AGAP1: variants seen among roughly 807,000 people sequenced by gnomAD.
AGAP1 encodes arf-GAP with GTPase, ANK repeat and PH domain-containing protein 1.
Under a neutral mutation model 105.3 loss-of-function variants are expected in AGAP1, and 29 were observed. The ratio of observed to expected loss-of-function variants is 0.28; its 90% CI spans 0.21 to 0.38. The LOEUF (loss-of-function observed/expected upper bound fraction) is 0.38. Among genes scored for constraint, AGAP1 ranks in the 10% least tolerant of loss-of-function variants. The pLI, the probability that AGAP1 is intolerant of heterozygous loss-of-function variation, is 1.00. For missense variants in AGAP1, 998 were observed against 1,165.1 expected (o/e 0.86, Z 2.09); for synonymous variants, 509 against 485.9 (o/e 1.05, Z -0.63).
chr2:235,926,492 G>T (rs1434813815), intron 11 of AGAP1, among the ~76,000 whole-genome samples: 1 of 152,202 alleles, frequency 6.6e-6, no homozygotes, highest in African/African-American at 2.4e-5. Flanking sequence ...ATGCATTTAC[G>T]TTGAAAGGCA....
At chr2:235,597,415 C>T (rs1680959068) in intron 1 of AGAP1, among the ~76,000 whole-genome samples, 1 of 152,216 alleles carries the variant, frequency 6.6e-6, no homozygotes, top group Admixed American at 6.5e-5. Flanking sequence ...CACACCTTGG[C>T]CACCCAGCAA....
At chr2:235,916,666 A>G (rs922110953) in intron 11 of AGAP1, among the ~76,000 whole-genome samples, 20 of 152,234 alleles carry the variant, frequency 1.3e-4, no homozygotes, top group African/African-American at 3.9e-4. Context: ...CCTCTGTTCT[A>G]TGGAGAAGAA....
chr2:236,006,792 C>A (rs1429950920), intron 13 of AGAP1, among the ~76,000 whole-genome samples: 2 of 152,102 alleles, frequency 1.3e-5, no homozygotes, highest in Admixed American at 1.3e-4. Flanking sequence ...GGTAGATAAG[C>A]CATGGCTTAT....
chr2:236,097,380 C>CTTTTTTTTTTTTT lies in AGAP1; in HGVS notation c.2115-22793_2115-22781dup, dbSNP rs58882083. ...ATAATATAAAATTTGTCATCCTAAT[C>CTTTTTTTTTTTTT]TTTTTTTTTTTTTTTTTTTTTTTTT... On this transcript the variant is annotated intron_variant, in intron 16 of 17. Transcript: ENST00000304032. 1.4e-4 allele frequency among the ~76,000 whole-genome samples: 7 copies of CTTTTTTTTTTTTT among 48,670 alleles called. 1 individual carries two copies. Among genetic ancestry groups the CTTTTTTTTTTTTT allele is most frequent in the African/African-American group, 3.1e-4 (4 of 13,026 alleles). 31.9% of individuals were successfully genotyped at this position (48,670 alleles called of 152,430 possible).
Position 235,959,658 on chromosome 2 carries a change from C to T in AGAP1, c.1484-8804C>T, listed in dbSNP as rs1295012204. ...TCCTGCCACGGCCCCCCTCAATTCA[C>T]ATCCTAATTCACCCCGCCATCACCT... On this transcript the variant is annotated intron_variant, in intron 12 of 17. Transcript: ENST00000304032. This position sits in a 1 kb window ranked among gnomAD's most constrained non-coding sequence, Gnocchi z 7.3. Among the ~76,000 whole-genome samples the T allele has an allele frequency of 2.6e-5, 4 of 152,110 alleles. No individual in the cohort carries two copies. Among genetic ancestry groups the T allele is most frequent in the African/African-American group, 9.7e-5 (4 of 41,422 alleles).
rs541922847 is a variant in AGAP1 at position 235,835,393 on chromosome 2, A to G, written c.1050+28062A>G. ...TGTATCTTGTGCTGCCACACCTGGCAGAGAGGCTCCTCAGCTTGGAGCGTT... is the reference window on the plus strand; with the variant it reads ...TGTATCTTGTGCTGCCACACCTGGCGGAGAGGCTCCTCAGCTTGGAGCGTT... On this transcript the variant is annotated intron_variant, in intron 9 of 17. Coordinates refer to ENST00000304032, the MANE Select transcript of AGAP1 (RefSeq NM_001037131.3). 1.2e-3 allele frequency among the ~76,000 whole-genome samples: 190 copies of G among 152,338 alleles called. 3 individuals are homozygous for G. The South Asian group carries it at 0.038, about 30-fold the overall frequency.
intron 6 of AGAP1, among the ~76,000 whole-genome samples, chr2:235,755,181 C>T (rs192282564): frequency 2.0e-5 from 3 of 152,332 alleles, no homozygotes; most frequent in Admixed American, 2.0e-4. Context: ...GCTCTCGTTC[C>T]TAGATTGCTT....
At chr2:235,835,722 A>G (rs1960078849) in intron 9 of AGAP1, among the ~76,000 whole-genome samples, 1 of 152,226 alleles carries the variant, frequency 6.6e-6, no homozygotes, top group South Asian at 2.1e-4. Flanking sequence ...TCGTGTCTCC[A>G]TTGCAAAAAG....
intron 1 of AGAP1, among the ~76,000 whole-genome samples, chr2:235,505,396 G>A (rs544721044): frequency 7.9e-5 from 12 of 152,200 alleles, no homozygotes; most frequent in Non-Finnish European, 1.5e-4. Context: ...CAGTGTGTGC[G>A]TGTGTGGATT....
At chr2:235,510,273 C>T (rs940977926) in intron 1 of AGAP1, among the ~76,000 whole-genome samples, 2 of 152,222 alleles carry the variant, frequency 1.3e-5, no homozygotes, top group Admixed American at 1.3e-4. Flanking sequence ...GTCCCTGATG[C>T]CAAGAAGGTT....
At chr2:235,509,573 G>C (rs1017416508) in intron 1 of AGAP1, among the ~76,000 whole-genome samples, 1 of 152,068 alleles carries the variant, frequency 6.6e-6, no homozygotes, top group East Asian at 1.9e-4. Flanking sequence ...ACTCTTGAAA[G>C]TTTACCATTT....
chr2:236,103,761 G>A (rs2059417098), intron 16 of AGAP1, among the ~76,000 whole-genome samples: 1 of 152,040 alleles, frequency 6.6e-6, no homozygotes, highest in Admixed American at 6.5e-5. Context: ...TAGAGTTGGG[G>A]TTTCACCATG....
intron 6 of AGAP1, among the ~76,000 whole-genome samples, chr2:235,780,907 AAAATT>A (rs1190659999): frequency 6.6e-6 from 1 of 152,212 alleles, no homozygotes; most frequent in African/African-American, 2.4e-5. Context: ...TGTGGGAAAA[AAAATT>A]AAATACTGTG....
rs2125172126 is a variant in AGAP1, at chr2:235,934,311, G to A, written c.1483+3388G>A. Among the ~76,000 whole-genome samples the A allele has an allele frequency of 6.6e-6, 1 of 152,332 alleles. No homozygotes were observed. Among genetic ancestry groups the A allele is most frequent in the South Asian group, 2.1e-4 (1 of 4,824 alleles). Reference sequence around the variant, plus strand: ...CAAAGCCTGGTCCACGGACCAAGTGGCATTTGACAGCTCCGGGGATTTGGC... The same window carrying A: ...CAAAGCCTGGTCCACGGACCAAGTGACATTTGACAGCTCCGGGGATTTGGC... On this transcript the variant is annotated intron_variant, in intron 12 of 17. Coordinates refer to ENST00000304032, the MANE Select transcript of AGAP1 (RefSeq NM_001037131.3). The surrounding 1 kb of genome is among the most constrained non-coding windows in gnomAD (Gnocchi z 4.9).
intron 6 of AGAP1, among the ~76,000 whole-genome samples, chr2:235,797,160 G>A (rs1957279909): frequency 6.6e-6 from 1 of 152,112 alleles, no homozygotes; most frequent in African/African-American, 2.4e-5. Context: ...GTCTTTCCAA[G>A]GGGTTTGGTT....
chr2:235,943,495 G>A (rs1283747707), intron 12 of AGAP1, among the ~76,000 whole-genome samples: 7 of 150,596 alleles, frequency 4.6e-5, no homozygotes, highest in Non-Finnish European at 2.9e-5. Context: ...GATTACAGCC[G>A]CATGCCACTA....
At chr2:235,558,458 C>T (rs1944042577) in intron 1 of AGAP1, among the ~76,000 whole-genome samples, 1 of 152,124 alleles carries the variant, frequency 6.6e-6, no homozygotes, top group Non-Finnish European at 1.5e-5. Context: ...TGAAATCTGA[C>T]CTCTCAAGCC....
rs1379369004 is a variant in AGAP1, at chr2:236,089,305, G to T, written c.2115-30887G>T. Among the ~76,000 whole-genome samples, 3 of 152,178 alleles carry T rather than the reference G, an allele frequency of 2.0e-5. No homozygotes were observed. The highest frequency in any genetic ancestry group is 7.2e-5 in the African/African-American group (3 of 41,440). ...AGCAAACTGACACACAGTTTCCCTG[G>T]GCATTGCTACATATTCCTTGCTCTT... On this transcript the variant is annotated intron_variant, in intron 16 of 17. Coordinates refer to ENST00000304032, the MANE Select transcript of AGAP1 (RefSeq NM_001037131.3). This position sits in a 1 kb window ranked among gnomAD's most constrained non-coding sequence, Gnocchi z 5.6.
intron 13 of AGAP1, among the ~76,000 whole-genome samples, chr2:235,969,208 C>T (rs1428002370): frequency 6.6e-6 from 1 of 152,070 alleles, no homozygotes; most frequent in Non-Finnish European, 1.5e-5. Context: ...TTTATTGCCA[C>T]TGATGGCTGG....
Sources: allele counts gnomAD v4.1 joint callset (sites outside exome capture counted in the v4.1 genomes callset), GRCh38; gene constraint gnomAD v4.1.1; non-coding constraint Gnocchi (gnomAD v3.1); transcripts MANE v1.5; gene names NCBI Gene and HGNC (gene_info 2026-07-23, HGNC 2026-07-21).